Variants in BCKDHB observed in about 807,000 individuals in gnomAD.
BCKDHB encodes the protein 2-oxoisovalerate dehydrogenase subunit beta, mitochondrial.
In BCKDHB, 41 loss-of-function variants were observed where a neutral mutation model predicts 48.5. That is an observed-to-expected ratio of 0.85 (90% CI 0.66 to 1.10). The LOEUF is 1.10. Ranked by LOEUF, BCKDHB falls within the 50% of genes least tolerant of loss-of-function variation. The probability of loss-of-function intolerance (pLI) is 0.00; values close to 1 mark genes in which losing one functional copy is unlikely to be tolerated. For synonymous variants in BCKDHB, 201 were observed against 174.8 expected (o/e 1.15, Z -1.18); for missense variants, 496 against 494.2 (o/e 1.00, Z -0.03).
At chr6:80,295,792 C>T (rs112533182) in intron 9 of BCKDHB, among the ~76,000 whole-genome samples, 11,922 of 151,652 alleles carry the variant, frequency 0.079, 654 homozygotes, top group South Asian at 0.24. Context: ...TCTTGTGAGA[C>T]TTATTCACTA....
In BCKDHB at chr6:80,142,770, C is replaced by T. The variant is rs141409869; in HGVS notation, c.343+13541C>T. Among the ~76,000 whole-genome samples the T allele has an allele frequency of 1.7e-3, 265 of 152,022 alleles. 1 individual carries two copies. The highest frequency in any genetic ancestry group is 6.1e-3 in the African/African-American group (251 of 41,484). On this transcript the variant is annotated intron_variant, in intron 3 of 9. Coordinates refer to ENST00000320393, the MANE Select transcript of BCKDHB (RefSeq NM_183050.4). ...CTTTTGTCAGAGTCATTTTTCTTTT[C>T]TAAAGAAAAACCACATGCAGTGAAG...
At chr6:80,175,684 A>G (rs1294479748) in intron 6 of BCKDHB, among the ~76,000 whole-genome samples, 2 of 152,232 alleles carry the variant, frequency 1.3e-5, no homozygotes, top group Admixed American at 6.5e-5. Context: ...AGCTCCATCC[A>G]TCTGATGGGT....
At chr6:80,347,045 G>T (rs965262805), downstream of BCKDHB, among the ~76,000 whole-genome samples, 24 of 151,886 alleles carry the variant, frequency 1.6e-4, no homozygotes, top group Non-Finnish European at 3.1e-4. Flanking sequence ...AATTGTATGT[G>T]TCCCTTTAAA....
intron 1 of BCKDHB, among the ~76,000 whole-genome samples, chr6:80,108,436 T>C (rs1769240369): frequency 6.6e-6 from 1 of 151,474 alleles, no homozygotes; most frequent in Non-Finnish European, 1.5e-5. Context: ...GTTGTAAACT[T>C]ACTAAAATCT....
intron 8 of BCKDHB, among the ~76,000 whole-genome samples, chr6:80,272,199 C>T (rs623048): frequency 0.35 from 53,707 of 152,058 alleles, 9,673 homozygotes; most frequent in Non-Finnish European, 0.38. Flanking sequence ...GCTGAAACTG[C>T]TGCATACTTT....
intron 3 of BCKDHB, among the ~76,000 whole-genome samples, chr6:80,151,717 A>G (rs1771788998): frequency 6.6e-6 from 1 of 152,154 alleles, no homozygotes; most frequent in Non-Finnish European, 1.5e-5. Flanking sequence ...TTTATTTTTC[A>G]TGCTTTGTCA....
At chr6:80,152,022 T>G (rs1771809574) in intron 3 of BCKDHB, among the ~76,000 whole-genome samples, 1 of 152,154 alleles carries the variant, frequency 6.6e-6, no homozygotes, top group South Asian at 2.1e-4. Flanking sequence ...AAGAAAAATT[T>G]CAATGGCTTG....
At chr6:80,254,511 C>A (rs1211447762) in intron 8 of BCKDHB, among the ~76,000 whole-genome samples, 1 of 152,014 alleles carries the variant, frequency 6.6e-6, no homozygotes, top group Non-Finnish European at 1.5e-5. Context: ...GCCCAGGCAA[C>A]ATAGTGAGAC....
the BCKDHB span, among the ~76,000 whole-genome samples, chr6:80,364,114 C>T: frequency 6.6e-6 from 1 of 152,334 alleles, no homozygotes; most frequent in East Asian, 1.9e-4. Flanking sequence ...GATATCCTGC[C>T]TGTTTTTCTT....
chr6:80,403,471 T>A, the BCKDHB span, among the ~76,000 whole-genome samples: 1 of 151,874 alleles, frequency 6.6e-6, no homozygotes, highest in Non-Finnish European at 1.5e-5. Context: ...TTTAAAATAG[T>A]TTTTTGGTGG....
At chr6:80,410,236 G>T in the BCKDHB span, among the ~76,000 whole-genome samples, 2 of 152,120 alleles carry the variant, frequency 1.3e-5, no homozygotes, top group African/African-American at 4.8e-5. Context: ...GAGATTCTGG[G>T]TTGAAAATTA....
At chr6:80,110,723 A>G (rs1562053395) in intron 1 of BCKDHB, among the ~76,000 whole-genome samples, 4 of 152,230 alleles carry the variant, frequency 2.6e-5, no homozygotes, top group Non-Finnish European at 5.9e-5. Flanking sequence ...TCTGCCACCA[A>G]TGGGTGGACC....
intron 9 of BCKDHB, among the ~76,000 whole-genome samples, chr6:80,298,055 T>C (rs114620640): frequency 0.015 from 2,338 of 152,250 alleles, 80 homozygotes; most frequent in African/African-American, 0.053. Context: ...CTTGAATATA[T>C]GCTTTTAATT....
chr6:80,295,205 A>T (rs6907729), intron 9 of BCKDHB, among the ~76,000 whole-genome samples: 58,604 of 152,072 alleles, frequency 0.39, 12,947 homozygotes, highest in Admixed American at 0.56. Flanking sequence ...ATATACTGGT[A>T]TCAATTTACT....
intron 3 of BCKDHB, among the ~76,000 whole-genome samples, chr6:80,146,816 T>G (rs958081150): frequency 1.3e-5 from 2 of 152,130 alleles, no homozygotes; most frequent in African/African-American, 4.8e-5. Context: ...CCTGGAAGAA[T>G]CTGGAGGTTA....
chr6:80,207,709 A>C (rs1374804381), intron 8 of BCKDHB, among the ~76,000 whole-genome samples: 1 of 151,526 alleles, frequency 6.6e-6, no homozygotes, highest in South Asian at 2.1e-4. Context: ...TAGATACACT[A>C]ATTTCAAATA....
chr6:80,261,105 AT>A (rs1272997582), intron 8 of BCKDHB, among the ~76,000 whole-genome samples: 1 of 152,094 alleles, frequency 6.6e-6, no homozygotes, highest in Non-Finnish European at 1.5e-5. Flanking sequence ...GTCATGAGAT[AT>A]TTGTTTCGTG....
At chr6:80,233,761 C>T (rs900906607) in intron 8 of BCKDHB, among the ~76,000 whole-genome samples, 3 of 152,176 alleles carry the variant, frequency 2.0e-5, no homozygotes, top group Non-Finnish European at 4.4e-5. Context: ...CTACATACAT[C>T]AGGTTTTATT....
chr6:80,256,279 A>C (rs1302876099), intron 8 of BCKDHB, among the ~76,000 whole-genome samples: 1 of 152,214 alleles, frequency 6.6e-6, no homozygotes, highest in Non-Finnish European at 1.5e-5. Flanking sequence ...CAAATATTAC[A>C]GAGTGTACTT....
Sources: gnomAD v4.1 joint callset for allele counts (sites outside exome capture counted in the v4.1 genomes callset) on GRCh38, gnomAD v4.1.1 for gene constraint, MANE v1.5 for transcripts, NCBI Gene and HGNC (gene_info 2026-07-23, HGNC 2026-07-21) for gene names.